Variants in TTC6 observed in about 807,000 individuals in gnomAD.
TTC6 encodes tetratricopeptide repeat protein 6.
In TTC6, 172 loss-of-function variants were observed where a neutral mutation model predicts 210.4. The observed-to-expected ratio is 0.82, with a 90% CI of 0.72 to 0.93. The LOEUF (loss-of-function observed/expected upper bound fraction) is 0.93. Ranked by LOEUF, TTC6 falls within the 40% of genes least tolerant of loss-of-function variation. TTC6 has a pLI of 0.00. For synonymous variants in TTC6, 804 were observed against 819.6 expected (o/e 0.98, Z 0.32); for missense variants, 2,414 against 2,318.1 (o/e 1.04, Z -0.85).
chr14:37,721,002 G>T (rs562296081), intron 6 of TTC6, among the ~76,000 whole-genome samples: 1 of 149,780 alleles, frequency 6.7e-6, no homozygotes, highest in East Asian at 2.0e-4. Flanking sequence ...GGATATCTTT[G>T]TATTATTTCT....
chr14:37,787,441 T>C lies in TTC6; in HGVS notation c.3267-27T>C, dbSNP rs1319072980. The stretch of plus-strand genomic sequence containing the variant: ...AGAGAAAATGTATACTTTACAGTAC[T>C]TGTTAAAACAAACTTTTTTTTCCTA... On this transcript the variant is annotated intron_variant, in intron 14 of 30. Transcript: ENST00000553443. 6 of 1,461,102 alleles carry C rather than the reference T, an allele frequency of 4.1e-6. No homozygotes were observed. The African/African-American group carries it at 8.4e-5, about 20-fold the overall frequency. The allele number at this position is 1,461,102 out of a possible 1,614,324, so 90.5% of individuals were successfully genotyped here. A position where few individuals can be genotyped will look rare whatever the true frequency, so the allele number is the denominator to read the frequency against.
chr14:37,788,774 C>T (rs2096073186), intron 15 of TTC6, among the ~76,000 whole-genome samples: 1 of 152,112 alleles, frequency 6.6e-6, no homozygotes, highest in East Asian at 1.9e-4. Context: ...TAATCTGTTA[C>T]TGAATGCTTT....
intron 20 of TTC6, among the ~76,000 whole-genome samples, chr14:37,798,911 A>G (rs2096099086): frequency 6.6e-6 from 1 of 152,164 alleles, no homozygotes; most frequent in Admixed American, 6.5e-5. Context: ...TGTTAGACCA[A>G]CCATGCATTC....
intron 14 of TTC6, among the ~76,000 whole-genome samples, chr14:37,783,228 G>T (rs2096059621): frequency 6.6e-6 from 1 of 152,082 alleles, no homozygotes; most frequent in Non-Finnish European, 1.5e-5. Context: ...TTGTACCTCT[G>T]GTAGAATTCG....
chr14:37,684,994 C>G (rs1384232753), intron 3 of TTC6, among the ~76,000 whole-genome samples: 1 of 152,100 alleles, frequency 6.6e-6, no homozygotes, highest in Non-Finnish European at 1.5e-5. Context: ...CAATCCTTAC[C>G]TAATTGGCCA....
intron 17 of TTC6, among the ~76,000 whole-genome samples, chr14:37,794,570 T>C (rs547586567): frequency 1.4e-4 from 22 of 152,324 alleles, no homozygotes; most frequent in African/African-American, 4.8e-4. Flanking sequence ...ATGTTTACTT[T>C]TCGTTACATA....
chr14:37,691,030 C>T (rs1047963198), intron 3 of TTC6, among the ~76,000 whole-genome samples: 1 of 151,984 alleles, frequency 6.6e-6, no homozygotes, highest in African/African-American at 2.4e-5. Flanking sequence ...TTTTCTCTGA[C>T]CACAATAGAG....
At chr14:37,834,267 G>C (rs2096192741) in intron 29 of TTC6, among the ~76,000 whole-genome samples, 1 of 107,078 alleles carries the variant, frequency 9.3e-6, no homozygotes, top group Non-Finnish European at 2.2e-5. Flanking sequence ...TTATTTTACT[G>C]AATAGGTTTT....
At chr14:37,726,641 T>A (rs908824040) in intron 7 of TTC6, among the ~76,000 whole-genome samples, 1 of 152,146 alleles carries the variant, frequency 6.6e-6, no homozygotes, top group Non-Finnish European at 1.5e-5. Flanking sequence ...ATTTCATCAT[T>A]TTTAATATTC....
chr14:37,771,658 C>T (rs1263523211), intron 14 of TTC6, among the ~76,000 whole-genome samples: 1 of 152,122 alleles, frequency 6.6e-6, no homozygotes, highest in Non-Finnish European at 1.5e-5. Context: ...GCTCCATCAG[C>T]TCCTTTAAGC....
intron 14 of TTC6, among the ~76,000 whole-genome samples, chr14:37,767,975 G>C (rs1264619272): frequency 6.8e-6 from 1 of 148,064 alleles, no homozygotes; most frequent in African/African-American, 2.5e-5. Context: ...ATTGATTTTT[G>C]TATAAGGTGT....
chr14:37,807,928 A>G (rs1239744756), intron 23 of TTC6, among the ~76,000 whole-genome samples: 1 of 152,072 alleles, frequency 6.6e-6, no homozygotes, highest in Non-Finnish European at 1.5e-5. Context: ...TGCTGACTGC[A>G]TAATATTCCA....
intron 7 of TTC6, among the ~76,000 whole-genome samples, chr14:37,730,697 AT>A (rs1316548459): frequency 6.6e-6 from 1 of 151,986 alleles, no homozygotes; most frequent in Non-Finnish European, 1.5e-5. Flanking sequence ...ATGTATATTT[AT>A]TTTCCTCTGC....
At chr14:37,741,698 G>A (rs1293042633) in intron 10 of TTC6, among the ~76,000 whole-genome samples, 3 of 152,120 alleles carry the variant, frequency 2.0e-5, no homozygotes, top group Admixed American at 6.6e-5. Context: ...CTCCCTTAAT[G>A]GTGGGAAGCA....
intron 5 of TTC6, among the ~76,000 whole-genome samples, chr14:37,703,204 T>C (rs2095828818): frequency 6.6e-6 from 1 of 152,032 alleles, no homozygotes; most frequent in Admixed American, 6.6e-5. Flanking sequence ...TTGGAGGACT[T>C]ACAGCTATAA....
intron 1 of TTC6, among the ~76,000 whole-genome samples, chr14:37,604,586 C>T (rs1308412979): frequency 2.0e-5 from 3 of 152,062 alleles, no homozygotes; most frequent in African/African-American, 7.2e-5. Context: ...CTGGGCATGC[C>T]TCTCTCAGAG....
chr14:37,714,543 C>A (rs1008973284), intron 5 of TTC6, 112 bp from the exon 8 acceptor site: 6 of 738,716 alleles, frequency 8.1e-6, no homozygotes, highest in Non-Finnish European at 1.2e-5. Flanking sequence ...CTGTTTAGTG[C>A]AGATGTCAAA....
At chr14:37,717,222 C>A (rs1029616557) in intron 6 of TTC6, among the ~76,000 whole-genome samples, 1 of 149,664 alleles carries the variant, frequency 6.7e-6, no homozygotes, top group Non-Finnish European at 1.5e-5. Context: ...AAGCAGAAAT[C>A]AATGAAATTG....
At chr14:37,730,875 C>T (rs1012760180) in intron 7 of TTC6, among the ~76,000 whole-genome samples, 6 of 152,176 alleles carry the variant, frequency 3.9e-5, no homozygotes, top group Non-Finnish European at 8.8e-5. Flanking sequence ...TTTTACATGT[C>T]ATTTTTCCAT....
Sources: allele counts gnomAD v4.1 joint callset (sites outside exome capture counted in the v4.1 genomes callset), GRCh38; gene constraint gnomAD v4.1.1; transcripts MANE v1.5; gene names NCBI Gene and HGNC (gene_info 2026-07-23, HGNC 2026-07-21).